ARGFX: variants seen among roughly 807,000 people sequenced by gnomAD.
The protein encoded by ARGFX is arginine-fifty homeobox.
In ARGFX, 10 loss-of-function variants were observed where a neutral mutation model predicts 8.0. That is an observed-to-expected ratio of 1.25 (90% CI 0.77 to 2.12). ARGFX has a LOEUF of 2.12. Ranked by LOEUF, ARGFX falls within the 30% of genes most tolerant of loss-of-function variation. The pLI is 0.00. For missense variants in ARGFX, 282 were observed against 324.3 expected (o/e 0.87, Z 1.00); for synonymous variants, 116 against 117.8 (o/e 0.98, Z 0.10).
intron 3 of ARGFX, among the ~76,000 whole-genome samples, chr3:121,580,606 A>T (rs866735447): frequency 0.016 from 1,819 of 115,022 alleles, 35 homozygotes; most frequent in East Asian, 0.032. Flanking sequence ...ATATATATAT[A>T]TTTTTTTTTT....
At chr3:121,577,079 C>T (rs931044917) in intron 3 of ARGFX, among the ~76,000 whole-genome samples, 179 bp downstream of exon 3, 1 of 151,186 alleles carries the variant, frequency 6.6e-6, no homozygotes, top group Non-Finnish European at 1.5e-5. Context: ...ATTCTATCTC[C>T]TCTCTGAGGT....
intron 3 of ARGFX, among the ~76,000 whole-genome samples, chr3:121,583,467 C>T (rs2108838608): frequency 6.6e-6 from 1 of 151,136 alleles, no homozygotes; most frequent in East Asian, 2.0e-4. Flanking sequence ...GACAGGGTCT[C>T]ACTCTGTCAC....
At chr3:121,569,666 T>G (rs905864302) in intron 1 of ARGFX, among the ~76,000 whole-genome samples, 1 of 152,202 alleles carries the variant, frequency 6.6e-6, no homozygotes. Context: ...ATGCCCGTCC[T>G]GCAATGTGAA....
chr3:121,586,380 C>G lies in ARGFX; in HGVS notation c.728C>G (p.Ser243Cys), dbSNP rs540135129. Residue 243 changes from serine to cysteine, a missense_variant, in exon 5 of 5, where the codon TCC becomes TGC. Transcript: ENST00000334384. ...LYNLPDENEI[S>C]SSSFHCLYQY... is the part of the protein sequence containing the mutation. ...AATCTTCCTGATGAGAATGAGATAT[C>G]CAGCTCTTCTTTCCACTGTCTGTAT... is the stretch of plus-strand genomic sequence containing the variant. The G allele has an allele frequency of 3.7e-6, 6 of 1,614,182 alleles. No homozygotes were observed. The highest frequency in any genetic ancestry group is 2.2e-5 in the East Asian group (1 of 44,892).
At position 121,585,082 on chromosome 3, in the gene ARGFX, T is replaced by G. The variant is rs1335042913; in HGVS notation, c.369+17T>G. The G allele has an allele frequency of 2.5e-6, 4 of 1,612,630 alleles. No homozygotes were observed. The highest frequency in any genetic ancestry group is 3.4e-6 in the Non-Finnish European group (4 of 1,179,470). On this transcript the variant is annotated intron_variant, in intron 4 of 4. Coordinates refer to ENST00000334384, the MANE Select transcript of ARGFX (RefSeq NM_001012659.2). ...ACAGTAAAGGTCTGATCCCCTGTGG[T>G]GTGCTTGGTACCCCCATCCAAGCCA...
chr3:121,579,123 A>T (rs1237142978), intron 3 of ARGFX, among the ~76,000 whole-genome samples: 1 of 152,212 alleles, frequency 6.6e-6, no homozygotes, highest in Non-Finnish European at 1.5e-5. Flanking sequence ...AGAAGACAGC[A>T]TGTATACATT....
intron 3 of ARGFX, among the ~76,000 whole-genome samples, chr3:121,577,515 C>A (rs558401961): frequency 1.1e-4 from 16 of 151,588 alleles, no homozygotes; most frequent in African/African-American, 3.9e-4. Flanking sequence ...GCCTTGGCCT[C>A]CCAAAGTGCT....
intron 1 of ARGFX, among the ~76,000 whole-genome samples, chr3:121,569,450 C>G (rs1310571119): frequency 6.7e-6 from 1 of 149,920 alleles, no homozygotes; most frequent in African/African-American, 2.5e-5. Context: ...ACTGCAACCT[C>G]TGCCTCCTGG....
chr3:121,580,148 TAG>T (rs1012939317), intron 3 of ARGFX, among the ~76,000 whole-genome samples: 8 of 151,526 alleles, frequency 5.3e-5, no homozygotes, highest in Non-Finnish European at 1.2e-4. Flanking sequence ...CATGTTTTTG[TAG>T]AGACGGGATT....
intron 2 of ARGFX, among the ~76,000 whole-genome samples, chr3:121,572,298 A>G (rs2048714051): frequency 6.9e-6 from 1 of 145,484 alleles, no homozygotes; most frequent in Non-Finnish European, 1.5e-5. Flanking sequence ...CTGGAGTGCA[A>G]TGGAGCGATC....
rs2048811306 is a variant in ARGFX, at chr3:121,586,132, A to G, written c.480A>G (p.Arg160=). The change falls in exon 5 of 5, where the codon AGA becomes AGG. Residue 160 remains arginine, a synonymous_variant. Coordinates refer to ENST00000334384, the MANE Select transcript of ARGFX (RefSeq NM_001012659.2). ...PSKKNVPTSP[R]TSPSPYAFSP... Reference sequence around the variant, plus strand: ...AGAAGAATGTGCCCACCTCCCCCAGAACATCCCCCAGTCCTTATGCTTTTT... The same window carrying G: ...AGAAGAATGTGCCCACCTCCCCCAGGACATCCCCCAGTCCTTATGCTTTTT... 1.2e-6 allele frequency: 2 copies of G among 1,613,726 alleles called. No homozygotes were observed. Among genetic ancestry groups the G allele is most frequent in the East Asian group, 4.5e-5 (2 of 44,856 alleles).
At position 121,590,042 on chromosome 3, in the gene ARGFX, C is replaced by A. The variant is rs897176776; in HGVS notation, c.*3442C>A. 6.6e-6 allele frequency among the ~76,000 whole-genome samples: 1 copy of A among 151,986 alleles called. No homozygotes were observed. The highest frequency in any genetic ancestry group is 2.4e-5 in the African/African-American group (1 of 41,398). On this transcript the variant is annotated 3_prime_UTR_variant, in exon 5 of 5. Transcript: ENST00000334384. ...CAAACATTTAGCTAGATTGACCACC[C>A]CCTCAAAAGACTCAAATTACTAGAA...
intron 3 of ARGFX, among the ~76,000 whole-genome samples, chr3:121,579,205 A>G (rs1318557373): frequency 1.3e-5 from 2 of 152,190 alleles, no homozygotes; most frequent in Non-Finnish European, 2.9e-5. Context: ...TTGTCCATAT[A>G]TGATGTTTCC....
At chr3:121,579,601 A>G (rs1301254794) in intron 3 of ARGFX, among the ~76,000 whole-genome samples, 1 of 151,780 alleles carries the variant, frequency 6.6e-6, no homozygotes, top group African/African-American at 2.4e-5. Flanking sequence ...TCCTTCCCTA[A>G]GAGGGTAGTT....
At chr3:121,576,705 CTTTT>C (rs113058973) in intron 2 of ARGFX, 75 bp from the exon 3 acceptor site, 1 of 222,628 alleles carries the variant, frequency 4.5e-6, no homozygotes, top group South Asian at 2.8e-5. Context: ...CTCTTTCTTT[CTTTT>C]TCTTTCTTTC....
intron 3 of ARGFX, 32 bp downstream of exon 3, chr3:121,576,932 C>T (rs1048267363): frequency 5.1e-5 from 14 of 273,142 alleles, no homozygotes; most frequent in Non-Finnish European, 1.0e-4. Context: ...TTTGTAGAGA[C>T]GAGATTTCAC....
rs1245786296 is a variant in ARGFX, at chr3:121,588,099, G to A, written c.*1499G>A. Among the ~76,000 whole-genome samples the A allele has an allele frequency of 1.3e-5, 2 of 151,864 alleles. No homozygotes were observed. The highest frequency in any genetic ancestry group is 4.8e-5 in the African/African-American group (2 of 41,366). ...CACAAAATAAAGAGTCAAACTTTTAGAATGACAAGTTAGCATATTTTCCAG... is the reference window on the plus strand; with the variant it reads ...CACAAAATAAAGAGTCAAACTTTTAAAATGACAAGTTAGCATATTTTCCAG... On this transcript the variant is annotated 3_prime_UTR_variant, in exon 5 of 5. Transcript: ENST00000334384.
Position 121,573,212 on chromosome 3 carries a change from G to A in ARGFX, c.103+2396G>A, listed in dbSNP as rs557825784. Among the ~76,000 whole-genome samples, 14 of 152,344 alleles carry A rather than the reference G, an allele frequency of 9.2e-5. No individual in the cohort carries two copies. The South Asian group carries it at 2.1e-3, about 23-fold the overall frequency. On this transcript the variant is annotated intron_variant, in intron 2 of 4. Transcript: ENST00000334384. ...AGAGTGAAATGGGGCCGGGCATGGT[G>A]GCTCATGCCTGTAATCCCAGCACTT...
intron 2 of ARGFX, among the ~76,000 whole-genome samples, chr3:121,574,784 C>T (rs946933391): frequency 6.6e-6 from 1 of 152,208 alleles, no homozygotes; most frequent in Non-Finnish European, 1.5e-5. Context: ...ATATGTTACA[C>T]ACCAAATAGA....
Sources: gnomAD v4.1 joint callset for allele counts (sites outside exome capture counted in the v4.1 genomes callset) on GRCh38, gnomAD v4.1.1 for gene constraint, MANE v1.5 for transcripts, NCBI Gene and HGNC (gene_info 2026-07-23, HGNC 2026-07-21) for gene names.